Variants in TENM2 observed in about 807,000 individuals in gnomAD.
The protein encoded by TENM2 is teneurin transmembrane protein 2, also known as teneurin-2.
TENM2 carries 52 observed loss-of-function variants against 245.2 expected under a neutral mutation model. The observed-to-expected ratio is 0.21, with a 90% CI of 0.17 to 0.27. TENM2 has a LOEUF of 0.27. TENM2 is among the 10% of genes least tolerant of loss of function. TENM2 has a pLI of 1.00. For synonymous variants in TENM2, 1,363 were observed against 1,438.9 expected (o/e 0.95, Z 1.19); for missense variants, 3,046 against 3,666.8 (o/e 0.83, Z 4.37).
chr5:167,839,022 G>A (rs552593334), intron 2 of TENM2, among the ~76,000 whole-genome samples: 1 of 152,298 alleles, frequency 6.6e-6, no homozygotes, highest in Admixed American at 6.5e-5. Flanking sequence ...ATGGGTTGTT[G>A]TGAGAATCAA....
chr5:167,117,097 A>G, the TENM2 span, among the ~76,000 whole-genome samples: 1 of 152,232 alleles, frequency 6.6e-6, no homozygotes, highest in Non-Finnish European at 1.5e-5. Flanking sequence ...ATGGTGGTAT[A>G]CCTAAGGCCT....
At chr5:167,010,930 G>A in the TENM2 span, among the ~76,000 whole-genome samples, 121 of 152,184 alleles carry the variant, frequency 8.0e-4, no homozygotes, top group South Asian at 1.5e-3. Flanking sequence ...ATATTACACC[G>A]TTTATAGCCC....
intron 2 of TENM2, among the ~76,000 whole-genome samples, chr5:167,534,692 T>C (rs1009903277): frequency 3.3e-5 from 5 of 152,208 alleles, no homozygotes; most frequent in East Asian, 1.9e-4. Flanking sequence ...ATTAATTTGG[T>C]GTGCGGGATA....
chr5:167,773,009 A>T (rs1365229059), intron 2 of TENM2, among the ~76,000 whole-genome samples: 1 of 152,174 alleles, frequency 6.6e-6, no homozygotes, highest in Non-Finnish European at 1.5e-5. Flanking sequence ...CAGACTCAAG[A>T]TCTGTCTCTT....
intron 3 of TENM2, among the ~76,000 whole-genome samples, chr5:167,903,775 C>A (rs1222718133): frequency 6.6e-6 from 1 of 152,160 alleles, no homozygotes; most frequent in Non-Finnish European, 1.5e-5. Context: ...CTTAGACCTT[C>A]TGAATTTTGA....
At chr5:168,041,433 C>T (rs1788174701) in intron 5 of TENM2, among the ~76,000 whole-genome samples, 1 of 152,096 alleles carries the variant, frequency 6.6e-6, no homozygotes, top group Non-Finnish European at 1.5e-5. Context: ...CCTTCACCCA[C>T]CACTCCTCCT....
chr5:167,729,882 T>A (rs770181183), intron 2 of TENM2, among the ~76,000 whole-genome samples: 6 of 152,226 alleles, frequency 3.9e-5, no homozygotes, highest in Admixed American at 1.3e-4. Context: ...TGAGCACTTG[T>A]TGAAATAGTT....
At chr5:167,349,231 T>C (rs1250852442) in intron 1 of TENM2, among the ~76,000 whole-genome samples, 1 of 152,194 alleles carries the variant, frequency 6.6e-6, no homozygotes, top group African/African-American at 2.4e-5. Context: ...CTTGTCATGG[T>C]TGGTGCACGT....
chr5:166,990,316 T>G, the TENM2 span, among the ~76,000 whole-genome samples: 1 of 152,166 alleles, frequency 6.6e-6, no homozygotes, highest in East Asian at 1.9e-4. Context: ...AATATATTTA[T>G]CCTTCCATCA....
Position 167,726,085 on chromosome 5 carries a change from A to G in TENM2, c.503-149901A>G, listed in dbSNP as rs534024631. Among the ~76,000 whole-genome samples the G allele has an allele frequency of 8.5e-5, 13 of 152,344 alleles. No homozygotes were observed. In the East Asian group the frequency reaches 1.5e-3, roughly 18 times the overall value. On this transcript the variant is annotated intron_variant, in intron 2 of 28. Transcript: ENST00000518659. ...AGATTGTCAGATGGTAGGGGCAGGCATCATGACTATGGGGTTCCTCTTAAA... is the reference window on the plus strand; with the variant it reads ...AGATTGTCAGATGGTAGGGGCAGGCGTCATGACTATGGGGTTCCTCTTAAA...
the TENM2 span, among the ~76,000 whole-genome samples, chr5:167,186,624 G>A: frequency 2.0e-5 from 3 of 152,160 alleles, no homozygotes; most frequent in Non-Finnish European, 4.4e-5. Context: ...GCCAGTCACC[G>A]TAAAAAAGCA....
At chr5:167,001,791 T>C in the TENM2 span, among the ~76,000 whole-genome samples, 1 of 152,150 alleles carries the variant, frequency 6.6e-6, no homozygotes, top group African/African-American at 2.4e-5. Flanking sequence ...TGGTACAAGC[T>C]TGTTGGTAGC....
the TENM2 span, among the ~76,000 whole-genome samples, chr5:167,019,361 C>G: frequency 4.6e-5 from 7 of 152,226 alleles, no homozygotes; most frequent in Middle Eastern, 0.01. Context: ...GCAAAATGGG[C>G]TGGTAGGAGT....
intron 2 of TENM2, among the ~76,000 whole-genome samples, chr5:167,722,028 G>C (rs1759663609): frequency 6.6e-6 from 1 of 152,318 alleles, no homozygotes; most frequent in South Asian, 2.1e-4. Context: ...CAAAGATGCT[G>C]AGTAGGCTCT....
intron 2 of TENM2, among the ~76,000 whole-genome samples, chr5:167,837,997 A>G (rs930248854): frequency 3.9e-5 from 6 of 152,214 alleles, no homozygotes; most frequent in Non-Finnish European, 7.3e-5. Flanking sequence ...CCCTTTGTGC[A>G]TCCCCACCTG....
intron 2 of TENM2, among the ~76,000 whole-genome samples, chr5:167,433,665 A>G (rs1172944938): frequency 6.6e-6 from 1 of 152,112 alleles, no homozygotes; most frequent in East Asian, 1.9e-4. Context: ...GTATCGTCCT[A>G]TCAAGTATAT....
chr5:167,763,544 G>GA (rs34270815), intron 2 of TENM2, among the ~76,000 whole-genome samples: 3 of 151,888 alleles, frequency 2.0e-5, no homozygotes, highest in African/African-American at 4.8e-5. Flanking sequence ...TCAAAGAAAA[G>GA]AAAAAAAGAT....
intron 2 of TENM2, among the ~76,000 whole-genome samples, chr5:167,697,579 G>A (rs1027947923): frequency 6.6e-6 from 1 of 152,124 alleles, no homozygotes; most frequent in Non-Finnish European, 1.5e-5. Context: ...TGCCTGGAGT[G>A]CAGTGGCACC....
At chr5:168,238,266 AAAGAAAAG>A (rs1765765139) in intron 25 of TENM2, among the ~76,000 whole-genome samples, 1 of 149,604 alleles carries the variant, frequency 6.7e-6, no homozygotes, top group African/African-American at 2.5e-5. Context: ...AAAGAAAAGA[AAAGAAAAG>A]AAAAGAAAAG....
Sources: allele counts gnomAD v4.1 joint callset (sites outside exome capture counted in the v4.1 genomes callset), GRCh38; gene constraint gnomAD v4.1.1; transcripts MANE v1.5; gene names NCBI Gene and HGNC (gene_info 2026-07-23, HGNC 2026-07-21).